CNN1: variants seen among roughly 807,000 people sequenced by gnomAD.
The protein encoded by CNN1 is calponin-1.
A neutral mutation model predicts 35.3 loss-of-function variants in CNN1; 21 were observed. The ratio of observed to expected loss-of-function variants is 0.60; its 90% CI spans 0.42 to 0.86. The LOEUF is 0.86. CNN1 is among the 40% of genes least tolerant of loss of function. CNN1 has a pLI of 0.00. For synonymous variants in CNN1, 164 were observed against 161.8 expected, an observed-to-expected ratio of 1.01 and a Z score of -0.10; for missense variants, 314 against 400.8, an observed-to-expected ratio of 0.78 and a Z score of 1.85.
chr19:11,539,305 TG>T, intron 1 of CNN1: 5 of 1,133,336 alleles, frequency 4.4e-6, no homozygotes, highest in Non-Finnish European at 5.4e-6. Flanking sequence ...GGGGAAGACT[TG>T]TTGATTTTTC....
In CNN1 at chr19:11,550,034, GC is replaced by G; in HGVS notation, c.*242del. On this transcript the variant is annotated 3_prime_UTR_variant, in exon 7 of 7. Transcript: ENST00000252456. The stretch of plus-strand genomic sequence containing the variant: ...CATAGAGCCGGGTGTCCCCAACAGC[GC>G]CCAAAGGACGCACTGAGCAACGCTA... 1 of 511,628 alleles carries G rather than the reference GC, an allele frequency of 2.0e-6. No homozygotes were observed. The highest frequency in any genetic ancestry group is 3.3e-6 in the Non-Finnish European group (1 of 299,510). The allele number at this position is 511,628 out of a possible 1,614,324, so 31.7% of individuals were successfully genotyped here. A position where few individuals can be genotyped will look rare whatever the true frequency, so the allele number is the denominator to read the frequency against.
At chr19:11,540,093 C>T in intron 1 of CNN1, 6 of 1,013,374 alleles carry the variant, frequency 5.9e-6, no homozygotes, top group Non-Finnish European at 7.1e-6. Flanking sequence ...CCCCTAGGGG[C>T]TGGGAGCCTG....
chr19:11,545,341 T>A (rs1356456790), intron 2 of CNN1, among the ~76,000 whole-genome samples: 1 of 150,524 alleles, frequency 6.6e-6, no homozygotes, highest in East Asian at 2.0e-4. Context: ...CGGGGAGCAG[T>A]GGGTGGTTTT....
intron 2 of CNN1, among the ~76,000 whole-genome samples, chr19:11,543,400 A>G (rs1018399333): frequency 1.3e-5 from 2 of 151,812 alleles, no homozygotes; most frequent in Admixed American, 1.3e-4. Context: ...GCAAACCAAC[A>G]TGGCACATGT....
intron 1 of CNN1, 138 bp from the exon 2 acceptor site, chr19:11,540,938 C>A: frequency 1.1e-6 from 1 of 921,090 alleles, no homozygotes; most frequent in Non-Finnish European, 1.5e-6. Context: ...AACTATGGAT[C>A]TGGGGCAAAA....
At chr19:11,543,032 G>A (rs1055716062) in intron 2 of CNN1, among the ~76,000 whole-genome samples, 6 of 152,164 alleles carry the variant, frequency 3.9e-5, no homozygotes, top group African/African-American at 1.4e-4. Flanking sequence ...GGTGTGGGGG[G>A]TGTTTACCTT....
intron 1 of CNN1, chr19:11,539,400 T>C (rs762197426): frequency 2.4e-5 from 25 of 1,063,718 alleles, no homozygotes; most frequent in Non-Finnish European, 2.7e-5. Context: ...GTGTGGGAGA[T>C]CCTGAAGACA....
At chr19:11,547,519 G>A (rs1269537042) in intron 4 of CNN1, among the ~76,000 whole-genome samples, 1 of 152,120 alleles carries the variant, frequency 6.6e-6, no homozygotes, top group Non-Finnish European at 1.5e-5. Context: ...GACCATCCTG[G>A]CTAACATGGT....
chr19:11,544,419 A>G (rs1972534882), intron 2 of CNN1, among the ~76,000 whole-genome samples: 1 of 152,166 alleles, frequency 6.6e-6, no homozygotes, highest in African/African-American at 2.4e-5. Flanking sequence ...ATTGAGCAGA[A>G]GTGGAGATGA....
At chr19:11,542,508 C>A (rs1238652236) in intron 2 of CNN1, among the ~76,000 whole-genome samples, 1 of 151,962 alleles carries the variant, frequency 6.6e-6, no homozygotes, top group Non-Finnish European at 1.5e-5. Context: ...TGGTTTTCTC[C>A]TCGCCTCAAA....
In CNN1 at chr19:11,549,006, G is replaced by C. The variant is rs1788220680; in HGVS notation, c.502-317G>C. ...GTTCGAGACCAGCGTGGCCAACATG[G>C]TGAAACCCCATTTCTACTAAAAATA... On this transcript the variant is annotated intron_variant, in intron 5 of 6. Transcript: ENST00000252456. The surrounding 1 kb of genome is among the most constrained non-coding windows in gnomAD (Gnocchi z 5.2). Among the ~76,000 whole-genome samples the C allele has an allele frequency of 6.6e-6, 1 of 151,646 alleles. No individual in the cohort carries two copies. The highest frequency in any genetic ancestry group is 2.4e-5 in the African/African-American group (1 of 41,288).
intron 2 of CNN1, among the ~76,000 whole-genome samples, chr19:11,543,732 G>A (rs1466045927): frequency 2.8e-5 from 4 of 142,988 alleles, no homozygotes; most frequent in Non-Finnish European, 4.5e-5. Flanking sequence ...GCAGTGAGCC[G>A]AGATCCCACC....
chr19:11,549,235 C>A lies in CNN1; in HGVS notation c.502-88C>A. The A allele has an allele frequency of 3.0e-6, 4 of 1,352,994 alleles. No homozygotes were observed. The highest frequency in any genetic ancestry group is 4.0e-6 in the Non-Finnish European group (4 of 996,974). 83.8% of individuals were successfully genotyped at this position (1,352,994 alleles called of 1,614,324 possible). Reference sequence around the variant, plus strand: ...ATAAAAATTGAAAAAAATGATAAAGCGGCGCCTCATCCTCTCCCATCAGCT... The same window carrying A: ...ATAAAAATTGAAAAAAATGATAAAGAGGCGCCTCATCCTCTCCCATCAGCT... On this transcript the variant is annotated intron_variant, in intron 5 of 6. Transcript: ENST00000252456. This position sits in a 1 kb window ranked among gnomAD's most constrained non-coding sequence, Gnocchi z 5.2.
intron 2 of CNN1, among the ~76,000 whole-genome samples, chr19:11,543,782 C>CAAAAA (rs1158001002): frequency 2.0e-5 from 1 of 51,006 alleles, no homozygotes. Flanking sequence ...GACTCCGTCT[C>CAAAAA]AAAAAAAAAA....
chr19:11,546,991 G>T lies in CNN1; in HGVS notation c.390+22G>T, dbSNP rs932275305. ...CATGGTGAGTGTGGTTGCAGGCTGG[G>T]CAGGGGGTGGTGGGCAGCCTGGGCT... On this transcript the variant is annotated intron_variant, in intron 4 of 6. Coordinates refer to ENST00000252456, the MANE Select transcript of CNN1 (RefSeq NM_001299.6). 4 of 1,613,428 alleles carry T rather than the reference G, an allele frequency of 2.5e-6. No individual in the cohort carries two copies. In the African/African-American group the frequency reaches 5.3e-5, roughly 22 times the overall value.
chr19:11,549,291 T>A lies in CNN1; in HGVS notation c.502-32T>A. 1 of 1,612,928 alleles carries A rather than the reference T, an allele frequency of 6.2e-7. No homozygotes were observed. Among genetic ancestry groups the A allele is most frequent in the Non-Finnish European group, 8.5e-7 (1 of 1,179,154 alleles). ...TCATGGCCCATGATGAGGTCTGTAA[T>A]TATTGGTGTGATTCTCCTTCTGGCT... is the stretch of plus-strand genomic sequence containing the variant. On this transcript the variant is annotated intron_variant, in intron 5 of 6. Transcript: ENST00000252456. This position sits in a 1 kb window ranked among gnomAD's most constrained non-coding sequence, Gnocchi z 5.2.
chr19:11,550,002 G>A lies in CNN1; in HGVS notation c.*207G>A, dbSNP rs1243684443. ...GACCCTCCGCTCTGTAGTGCTACAG[G>A]GTCCAACATAGAGCCGGGTGTCCCC... On this transcript the variant is annotated 3_prime_UTR_variant, in exon 7 of 7. Transcript: ENST00000252456. 3.0e-6 allele frequency: 2 copies of A among 668,700 alleles called. No individual in the cohort carries two copies. Among genetic ancestry groups the A allele is most frequent in the Non-Finnish European group, 4.8e-6 (2 of 420,596 alleles). The allele number at this position is 668,700 out of a possible 1,614,324, so 41.4% of individuals were successfully genotyped here. A position where few individuals can be genotyped will look rare whatever the true frequency, so the allele number is the denominator to read the frequency against.
At chr19:11,547,375 C>G (rs1428759166) in intron 4 of CNN1, among the ~76,000 whole-genome samples, 3 of 146,012 alleles carry the variant, frequency 2.1e-5, no homozygotes, top group African/African-American at 7.7e-5. Context: ...GCCTGGGTGA[C>G]AGAGCCAAGA....
At chr19:11,539,634 G>T (rs1162831094) in intron 1 of CNN1, 9 of 736,200 alleles carry the variant, frequency 1.2e-5, no homozygotes, top group Non-Finnish European at 1.8e-5. Context: ...CTCCCAGCTG[G>T]AGAACTTTAA....
Sources: gnomAD v4.1 joint callset for allele counts (sites outside exome capture counted in the v4.1 genomes callset) on GRCh38, gnomAD v4.1.1 for gene constraint, Gnocchi (gnomAD v3.1) non-coding constraint, MANE v1.5 for transcripts, NCBI Gene and HGNC (gene_info 2026-07-23, HGNC 2026-07-21) for gene names.